The following SNX14 variants were observed in gnomAD, a reference collection of about 807,000 sequenced individuals.
The protein encoded by SNX14 is sorting nexin 14.
Under a neutral mutation model 133.8 loss-of-function variants are expected in SNX14, and 93 were observed. That is an observed-to-expected ratio of 0.70 (90% CI 0.59 to 0.83). The LOEUF (loss-of-function observed/expected upper bound fraction) is 0.83. SNX14 is among the 40% of genes least tolerant of loss of function. The pLI is 0.00. For synonymous variants in SNX14, 368 were observed against 365.6 expected (o/e 1.01, Z -0.07); for missense variants, 945 against 1,094.9 (o/e 0.86, Z 1.93).
chr6:85,514,676 C>G (rs367866621), intron 23 of SNX14, 47 bp from the exon 24 acceptor site: 21 of 1,562,870 alleles, frequency 1.3e-5, no homozygotes, highest in Non-Finnish European at 1.8e-5. Flanking sequence ...TTTATTACAT[C>G]TGCTGACGAT....
At chr6:85,508,340 AT>A (rs1771492699) in intron 26 of SNX14, 3 of 1,038,940 alleles carry the variant, frequency 2.9e-6, no homozygotes, top group African/African-American at 1.7e-5. Flanking sequence ...AAAAAAAAAA[AT>A]CTGCTAGTTG....
rs749082020 is a variant in SNX14 at position 85,549,626 on chromosome 6, A to ATGAAT, written c.791+96_791+97insATTCA. 6.7e-3 allele frequency: 6,716 copies of ATGAAT among 1,008,180 alleles called. 40 individuals are homozygous for ATGAAT. The highest frequency in any genetic ancestry group is 0.027 in the Middle Eastern group (74 of 2,782). The allele number at this position is 1,008,180 out of a possible 1,614,324, so 62.5% of individuals were successfully genotyped here. On this transcript the variant is annotated intron_variant, in intron 8 of 28. Transcript: ENST00000314673. Reference sequence around the variant, plus strand: ...TCAAATGAAAAGCTATTCATAGGCTAACCTCAAATTTTAGCATATGCCTAT... The same window carrying ATGAAT: ...TCAAATGAAAAGCTATTCATAGGCTATGAATACCTCAAATTTTAGCATATGCCTAT...
At chr6:85,512,359 C>T (rs924020556) in intron 26 of SNX14, among the ~76,000 whole-genome samples, 2 of 152,082 alleles carry the variant, frequency 1.3e-5, no homozygotes, top group African/African-American at 2.4e-5. Flanking sequence ...CGGTGGCTCA[C>T]GCCTGTAACC....
chr6:85,515,537 G>A (rs1299823944), intron 23 of SNX14, among the ~76,000 whole-genome samples: 1 of 152,054 alleles, frequency 6.6e-6, no homozygotes, highest in Non-Finnish European at 1.5e-5. Flanking sequence ...GGGAAGAGAA[G>A]TAAGGAGACT....
At chr6:85,532,538 T>C (rs563570375) in intron 18 of SNX14, among the ~76,000 whole-genome samples, 3 of 152,338 alleles carry the variant, frequency 2.0e-5, no homozygotes, top group African/African-American at 7.2e-5. Flanking sequence ...ACTACTTAGT[T>C]ATCCTCTCAA....
chr6:85,549,634 A>T, intron 8 of SNX14, 89 bp downstream of exon 8: 1 of 1,154,982 alleles, frequency 8.7e-7, no homozygotes, highest in Non-Finnish European at 1.1e-6. Context: ...CTAACCTCAA[A>T]TTTTAGCATA....
chr6:85,514,425 G>A (rs1774068856), intron 24 of SNX14, 81 bp downstream of exon 24: 1 of 1,526,028 alleles, frequency 6.6e-7, no homozygotes, highest in Non-Finnish European at 8.9e-7. Context: ...AGTTATGATG[G>A]GGCAATACTC....
intron 4 of SNX14, among the ~76,000 whole-genome samples, chr6:85,568,966 CTTTT>C (rs369775673): frequency 6.8e-6 from 1 of 147,496 alleles, no homozygotes; most frequent in Non-Finnish European, 1.5e-5. Context: ...CTTTTCTTTT[CTTTT>C]TTTTTTTTTT....
chr6:85,578,245 C>T (rs1018944836), intron 1 of SNX14, among the ~76,000 whole-genome samples: 5 of 152,036 alleles, frequency 3.3e-5, no homozygotes, highest in African/African-American at 1.2e-4. Context: ...TTCCCAACAC[C>T]ACACAGGATG....
chr6:85,538,738 A>C, intron 16 of SNX14, 100 bp downstream of exon 16: 1 of 974,596 alleles, frequency 1.0e-6, no homozygotes, highest in East Asian at 2.8e-5. Context: ...AGTTAATACC[A>C]CAGTGTTCCA....
intron 17 of SNX14, among the ~76,000 whole-genome samples, chr6:85,535,223 C>G (rs945390797): frequency 6.6e-6 from 1 of 151,836 alleles, no homozygotes; most frequent in Admixed American, 6.6e-5. Flanking sequence ...CCATGTTGCC[C>G]AGGCTGGTCT....
chr6:85,553,213 G>T (rs1442906083), intron 7 of SNX14, among the ~76,000 whole-genome samples: 1 of 152,144 alleles, frequency 6.6e-6, no homozygotes, highest in Non-Finnish European at 1.5e-5. Context: ...GTTCAGTTTG[G>T]CAACAGTACT....
rs534391113 is a variant in SNX14 at position 85,549,775 on chromosome 6, G to C, written c.739C>G (p.Leu247Val). Residue 247 changes from leucine to valine, a missense_variant, in exon 8 of 29, where the codon CTT becomes GTT. By Grantham distance (32) the Leu-to-Val change is conservative. Transcript: ENST00000314673. ...RRDELHYLRK[L>V]TELLFPYILP... Reference sequence around the variant, plus strand: ...ATATAAGGAAAAAGCAGTTCAGTAAGTTTCCTTAAATAGTGCAATTCATCT... The same window carrying C: ...ATATAAGGAAAAAGCAGTTCAGTAACTTTCCTTAAATAGTGCAATTCATCT... 1.5e-4 allele frequency: 250 copies of C among 1,613,888 alleles called. 2 individuals are homozygous for C. The South Asian group carries it at 2.5e-3, about 16-fold the overall frequency.
intron 23 of SNX14, among the ~76,000 whole-genome samples, chr6:85,516,428 AT>A (rs1029693287): frequency 2.0e-5 from 3 of 152,238 alleles, no homozygotes; most frequent in African/African-American, 7.2e-5. Flanking sequence ...TGTTAAAGAA[AT>A]TAAATTGGTT....
chr6:85,583,743 C>A (rs1007920123), intron 1 of SNX14, among the ~76,000 whole-genome samples: 1 of 151,944 alleles, frequency 6.6e-6, no homozygotes, highest in Non-Finnish European at 1.5e-5. Flanking sequence ...CAAGGAAATA[C>A]GAGAGGACAC....
At chr6:85,543,044 A>T in intron 14 of SNX14, 138 bp downstream of exon 14, 1 of 833,018 alleles carries the variant, frequency 1.2e-6, no homozygotes, top group Non-Finnish European at 1.7e-6. Flanking sequence ...CTGGGATTAT[A>T]GGCGTGAGCA....
chr6:85,534,026 T>C (rs556643327), intron 17 of SNX14, among the ~76,000 whole-genome samples: 73 of 152,222 alleles, frequency 4.8e-4, no homozygotes, highest in Middle Eastern at 3.4e-3. Context: ...TATATGAAAA[T>C]ATAATAGGCC....
In SNX14 at chr6:85,561,915, T is replaced by TG. The variant is rs376536756; in HGVS notation, c.549+3416dup. 1.5e-4 allele frequency among the ~76,000 whole-genome samples: 23 copies of TG among 151,936 alleles called. 2 individuals carry two copies. Among genetic ancestry groups the TG allele is most frequent in the African/African-American group, 4.8e-4 (20 of 41,458 alleles). ...CATTACATGAGTAAACTGCATGTCA[T>TG]GGGGGTTTGGTGTACAAATTATTTC... On this transcript the variant is annotated intron_variant, in intron 6 of 28. Coordinates refer to ENST00000314673, the MANE Select transcript of SNX14 (RefSeq NM_153816.6).
chr6:85,575,004 A>C (rs1190782259), intron 1 of SNX14, among the ~76,000 whole-genome samples: 1 of 152,246 alleles, frequency 6.6e-6, no homozygotes, highest in Non-Finnish European at 1.5e-5. Flanking sequence ...GTAAGTAGGA[A>C]CAAATAAACA....
Sources: gnomAD v4.1 joint callset for allele counts (sites outside exome capture counted in the v4.1 genomes callset) on GRCh38, gnomAD v4.1.1 for gene constraint, MANE v1.5 for transcripts, NCBI Gene and HGNC (gene_info 2026-07-23, HGNC 2026-07-21) for gene names.